The following SUSD4 variants were observed in gnomAD, a reference collection of about 807,000 sequenced individuals.
SUSD4 encodes sushi domain containing 4, also known as sushi domain-containing protein 4.
Under a neutral mutation model 50.5 loss-of-function variants are expected in SUSD4, and 41 were observed. That is an observed-to-expected ratio of 0.81 (90% CI 0.63 to 1.05). The LOEUF is 1.05. Among genes scored for constraint, SUSD4 ranks in the 50% least tolerant of loss-of-function variants. SUSD4 has a pLI of 0.00. For missense variants in SUSD4, 580 were observed against 634.7 expected, an observed-to-expected ratio of 0.91 and a Z score of 0.93; for synonymous variants, 257 against 257.3, an observed-to-expected ratio of 1.00 and a Z score of 0.01.
chr1:223,226,046 A>G (rs546440919), intron 7 of SUSD4, among the ~76,000 whole-genome samples: 1 of 152,348 alleles, frequency 6.6e-6, no homozygotes, highest in East Asian at 1.9e-4. Flanking sequence ...TTTTAAAAAC[A>G]TCTTAATATT....
chr1:223,236,880 C>T (rs2103014559), intron 5 of SUSD4, among the ~76,000 whole-genome samples: 1 of 152,100 alleles, frequency 6.6e-6, no homozygotes, highest in South Asian at 2.1e-4. Flanking sequence ...TTAATAATAT[C>T]AAAAAATAAC....
At chr1:223,312,357 GA>G (rs1274615803) in intron 2 of SUSD4, among the ~76,000 whole-genome samples, 2 of 152,100 alleles carry the variant, frequency 1.3e-5, no homozygotes, top group African/African-American at 4.8e-5. Flanking sequence ...CTGCAGGACA[GA>G]AAAAAAGTGA....
intron 3 of SUSD4, 83 bp downstream of exon 3, chr1:223,292,356 T>C (rs1445252838): frequency 2.1e-6 from 3 of 1,453,732 alleles, no homozygotes; most frequent in Non-Finnish European, 2.9e-6. Context: ...CCCAGGGTAT[T>C]GAGCTGTCAC....
intron 5 of SUSD4, among the ~76,000 whole-genome samples, chr1:223,239,844 T>C (rs1283710095): frequency 6.6e-6 from 1 of 152,132 alleles, no homozygotes; most frequent in Non-Finnish European, 1.5e-5. Flanking sequence ...AATAAAAGTT[T>C]TAATTTTACC....
chr1:223,360,111 G>T, intron 2 of SUSD4: 1 of 440,888 alleles, frequency 2.3e-6, no homozygotes, highest in South Asian at 1.7e-5. Flanking sequence ...AGATGAGGAA[G>T]CTGAGGCTCC....
At chr1:223,315,489 C>T (rs1364753244) in intron 2 of SUSD4, among the ~76,000 whole-genome samples, 1 of 152,228 alleles carries the variant, frequency 6.6e-6, no homozygotes, top group African/African-American at 2.4e-5. Flanking sequence ...CCAACTGGTC[C>T]TGTGGCCCCA....
intron 5 of SUSD4, chr1:223,264,063 C>T (rs1662308666): frequency 1.0e-6 from 1 of 985,332 alleles, no homozygotes. Flanking sequence ...ACTGCCTTGA[C>T]TCCGCCAGTG....
intron 3 of SUSD4, among the ~76,000 whole-genome samples, chr1:223,281,819 C>T (rs1415395421): frequency 2.6e-5 from 4 of 152,148 alleles, no homozygotes; most frequent in African/African-American, 9.7e-5. Flanking sequence ...CCCTGATAAA[C>T]ATCGATGCAA....
chr1:223,232,642 G>A (rs566934323), intron 5 of SUSD4, among the ~76,000 whole-genome samples: 8 of 152,280 alleles, frequency 5.3e-5, no homozygotes, highest in East Asian at 3.9e-4. Flanking sequence ...CATTCACCCC[G>A]AGGCAAATGG....
At chr1:223,304,352 C>T (rs1665385389) in intron 2 of SUSD4, among the ~76,000 whole-genome samples, 2 of 152,142 alleles carry the variant, frequency 1.3e-5, no homozygotes, top group South Asian at 4.1e-4. Context: ...TTTGTATTTA[C>T]AATAATCAGA....
At chr1:223,345,194 G>T (rs1280072649) in intron 2 of SUSD4, among the ~76,000 whole-genome samples, 1 of 152,160 alleles carries the variant, frequency 6.6e-6, no homozygotes, top group Non-Finnish European at 1.5e-5. Flanking sequence ...CTCATGAGCT[G>T]AGAACACGAG....
chr1:223,262,733 C>T (rs953319090), intron 5 of SUSD4, among the ~76,000 whole-genome samples: 2 of 152,042 alleles, frequency 1.3e-5, no homozygotes, highest in African/African-American at 2.4e-5. Flanking sequence ...AAGTGCTCAC[C>T]AACAAATGCC....
chr1:223,316,600 C>G (rs1666203499), intron 2 of SUSD4, among the ~76,000 whole-genome samples: 1 of 152,166 alleles, frequency 6.6e-6, no homozygotes, highest in Non-Finnish European at 1.5e-5. Flanking sequence ...GAATGCTCCC[C>G]CATTCAAAAG....
rs545348355 is a variant in SUSD4, at chr1:223,361,724, T to G, written c.148+1554A>C. On this transcript the variant is annotated intron_variant, in intron 2 of 8. Coordinates refer to ENST00000366878, the MANE Select transcript of SUSD4 (RefSeq NM_017982.4). ...TTGATTAACTAGTCTGTCATCTACA[T>G]AAGAGAAATGGACCAAGAAGATGGA... Among the ~76,000 whole-genome samples, 25 of 152,254 alleles carry G rather than the reference T, an allele frequency of 1.6e-4. 1 individual carries two copies. In the South Asian group the frequency reaches 5.0e-3, roughly 30 times the overall value.
chr1:223,312,722 A>G (rs1214806630), intron 2 of SUSD4, among the ~76,000 whole-genome samples: 1 of 152,244 alleles, frequency 6.6e-6, no homozygotes, highest in Non-Finnish European at 1.5e-5. Context: ...ACAGAGGTAC[A>G]GCCCTGAGGC....
chr1:223,299,053 C>T (rs1233748788), intron 2 of SUSD4, among the ~76,000 whole-genome samples: 1 of 152,184 alleles, frequency 6.6e-6, no homozygotes, highest in Non-Finnish European at 1.5e-5. Flanking sequence ...ACAACTAATT[C>T]CATTGAGCAA....
At chr1:223,347,701 T>C (rs1438800116) in intron 2 of SUSD4, among the ~76,000 whole-genome samples, 2 of 73,328 alleles carry the variant, frequency 2.7e-5, no homozygotes. Flanking sequence ...AATGCATCCA[T>C]GAAATAATTA....
chr1:223,319,742 G>A (rs1010071625), intron 2 of SUSD4, among the ~76,000 whole-genome samples: 2 of 152,140 alleles, frequency 1.3e-5, no homozygotes, highest in African/African-American at 4.8e-5. Flanking sequence ...TTTAATCCAC[G>A]GTTTCTTTAT....
chr1:223,331,005 C>T (rs1481992657), intron 2 of SUSD4, among the ~76,000 whole-genome samples: 1 of 152,174 alleles, frequency 6.6e-6, no homozygotes, highest in Non-Finnish European at 1.5e-5. Context: ...TTTTGCTGCA[C>T]CCTCCCCGCC....
Sources: allele counts gnomAD v4.1 joint callset (sites outside exome capture counted in the v4.1 genomes callset), GRCh38; gene constraint gnomAD v4.1.1; transcripts MANE v1.5; gene names NCBI Gene and HGNC (gene_info 2026-07-23, HGNC 2026-07-21).